TG: variants seen among roughly 807,000 people sequenced by gnomAD.
TG encodes the protein thyroglobulin, also known as thyroid hormones.
A neutral mutation model predicts 324.7 loss-of-function variants in TG; 270 were observed. The ratio of observed to expected loss-of-function variants is 0.83; its 90% CI spans 0.75 to 0.92. The LOEUF (loss-of-function observed/expected upper bound fraction) is 0.92, where lower values mean the gene tolerates loss of function less well. Among genes scored for constraint, TG ranks in the 40% least tolerant of loss-of-function variants. The pLI, the probability that TG is intolerant of heterozygous loss-of-function variation, is 0.00. For missense variants in TG, 3,591 were observed against 3,456.4 expected (o/e 1.04, Z -0.98); for synonymous variants, 1,401 against 1,327.0 (o/e 1.06, Z -1.21).
At chr8:132,951,453 GA>G (rs1286717344) in intron 27 of TG, among the ~76,000 whole-genome samples, 1 of 152,166 alleles carries the variant, frequency 6.6e-6, no homozygotes, top group Non-Finnish European at 1.5e-5. Flanking sequence ...GGCATTTCAA[GA>G]AAGACATATG....
intron 35 of TG, among the ~76,000 whole-genome samples, chr8:132,996,193 G>T (rs1017576520): frequency 1.3e-5 from 2 of 151,172 alleles, no homozygotes; most frequent in East Asian, 1.9e-4. Context: ...GGATGATGTA[G>T]TTATTCTTGC....
At chr8:133,071,566 G>T (rs975064387) in intron 41 of TG, among the ~76,000 whole-genome samples, 1 of 152,096 alleles carries the variant, frequency 6.6e-6, no homozygotes, top group African/African-American at 2.4e-5. Flanking sequence ...ACACACTCTG[G>T]TGCTTGGAAC....
intron 23 of TG, among the ~76,000 whole-genome samples, chr8:132,930,247 C>G (rs1822503959): frequency 6.6e-6 from 1 of 152,284 alleles, no homozygotes; most frequent in African/African-American, 2.4e-5. Flanking sequence ...AATGGAGGGA[C>G]AGAACCAAGT....
intron 27 of TG, among the ~76,000 whole-genome samples, chr8:132,960,493 C>G (rs1365317105): frequency 6.6e-6 from 1 of 152,162 alleles, no homozygotes; most frequent in Non-Finnish European, 1.5e-5. Flanking sequence ...GAACAGTTTG[C>G]CAGAAAGGAA....
At chr8:133,106,023 G>A (rs1476295741) in intron 43 of TG, among the ~76,000 whole-genome samples, 5 of 152,172 alleles carry the variant, frequency 3.3e-5, no homozygotes, top group Admixed American at 2.0e-4. Context: ...CCTGGATGAA[G>A]CAGATGGAGG....
At chr8:133,016,623 G>T (rs1835050715) in intron 37 of TG, among the ~76,000 whole-genome samples, 1 of 152,200 alleles carries the variant, frequency 6.6e-6, no homozygotes, top group Admixed American at 6.5e-5. Context: ...CTGTCAATCA[G>T]CCGAGAGTGG....
chr8:133,031,911 C>T (rs902767176), intron 41 of TG, among the ~76,000 whole-genome samples: 1 of 152,128 alleles, frequency 6.6e-6, no homozygotes, highest in Admixed American at 6.5e-5. Flanking sequence ...GAACTGAGCC[C>T]TCTTTATATG....
At chr8:132,917,027 C>A (rs1268371047) in intron 20 of TG, among the ~76,000 whole-genome samples, 12 of 60,514 alleles carry the variant, frequency 2.0e-4, no homozygotes, top group African/African-American at 6.4e-4. Flanking sequence ...CCCTCCATGC[C>A]TCCCTCCCTC....
rs1460750975 is a variant in TG, at chr8:133,055,363, GCGCACACACACA to G, written c.7239+25342_7239+25353del. Among the ~76,000 whole-genome samples the G allele has an allele frequency of 6.6e-4, 21 of 32,020 alleles. 1 individual carries two copies. The East Asian group carries it at 8.0e-3, about 12-fold the overall frequency. 21.0% of individuals were successfully genotyped at this position (32,020 alleles called of 152,430 possible). A position where few individuals can be genotyped will look rare whatever the true frequency, so the allele number is the denominator to read the frequency against. ...ATCTTCAGGACACACACACGCACGCGCGCACACACACACACACACACACACACACACACACAC... is the reference window on the plus strand; with the variant it reads ...ATCTTCAGGACACACACACGCACGCGCACACACACACACACACACACACAC... On this transcript the variant is annotated intron_variant, in intron 41 of 47. Transcript: ENST00000220616.
chr8:132,948,934 T>C lies in TG; in HGVS notation c.5392T>C (p.Phe1798Leu), dbSNP rs1825724113. The C allele has an allele frequency of 5.0e-6, 8 of 1,613,316 alleles. No individual in the cohort carries two copies. The highest frequency in any genetic ancestry group is 6.8e-6 in the Non-Finnish European group (8 of 1,179,922). The change falls in exon 27 of 48, where the codon TTC (phenylalanine) becomes CTC (leucine). Residue 1798 changes from phenylalanine to leucine, a missense_variant. Phe to Leu is a conservative substitution (Grantham distance 22). Transcript: ENST00000220616. ...QVILRLGDQE[F>L]IKSLTPLEGT... ...GATATTGCGTCTTGGAGACCAGGAG[T>C]TCATCAAGAGTAAGTCTTTGCCATT...
chr8:133,077,581 T>A (rs7823628), intron 41 of TG, among the ~76,000 whole-genome samples: 4 of 152,034 alleles, frequency 2.6e-5, no homozygotes, highest in Non-Finnish European at 5.9e-5. Flanking sequence ...GAATGGAGGT[T>A]TTGGCCCTGG....
rs573693846 is a variant in TG, at chr8:132,913,520, G to C, written c.4378+255G>C. 8.5e-5 allele frequency among the ~76,000 whole-genome samples: 13 copies of C among 152,288 alleles called. No homozygotes were observed. The South Asian group carries it at 2.3e-3, about 27-fold the overall frequency. ...TTGATAAGCTTGGACCCTGGGCCTGGCCTGCCCTGTCATTGTGATGAAGGC... is the reference window on the plus strand; with the variant it reads ...TTGATAAGCTTGGACCCTGGGCCTGCCCTGCCCTGTCATTGTGATGAAGGC... On this transcript the variant is annotated intron_variant, in intron 20 of 47. Coordinates refer to ENST00000220616, the MANE Select transcript of TG (RefSeq NM_003235.5).
chr8:132,890,213 C>T (rs918719846), intron 10 of TG, among the ~76,000 whole-genome samples: 4 of 151,928 alleles, frequency 2.6e-5, no homozygotes, highest in South Asian at 2.1e-4. Context: ...TTCAGTATTT[C>T]CTATCTTCCC....
chr8:132,908,446 C>T (rs1819010115), intron 18 of TG, 106 bp downstream of exon 18: 2 of 810,734 alleles, frequency 2.5e-6, no homozygotes, highest in Non-Finnish European at 1.9e-6. Context: ...GACAGGGGCC[C>T]CATCTTCAAG....
chr8:133,018,271 G>A (rs767597868), intron 38 of TG, among the ~76,000 whole-genome samples: 15 of 152,204 alleles, frequency 9.9e-5, no homozygotes, highest in Non-Finnish European at 1.8e-4. Flanking sequence ...CAGGCTGATG[G>A]AGGCTCTGCC....
intron 27 of TG, 100 bp from the exon 28 acceptor site, chr8:132,960,908 A>G (rs1827655771): frequency 8.3e-7 from 1 of 1,198,140 alleles, no homozygotes; most frequent in African/African-American, 1.5e-5. Context: ...TTTCAGGCCT[A>G]GGAAGAGCCT....
At chr8:132,983,273 A>G (rs1564035973) in intron 34 of TG, 77 bp from the exon 35 acceptor site, 1 of 1,476,332 alleles carries the variant, frequency 6.8e-7, no homozygotes, top group Non-Finnish European at 9.5e-7. Flanking sequence ...ACCATCTTAT[A>G]CTTATATTAA....
chr8:133,083,742 G>T lies in TG; in HGVS notation c.7240-11302G>T, dbSNP rs78840393. On this transcript the variant is annotated intron_variant, in intron 41 of 47. Transcript: ENST00000220616. ...TTTTATTTGAAGAGGATTTGAAGAGGATAATGTTGGAATTGTGTGATGTGG... is the reference window on the plus strand; with the variant it reads ...TTTTATTTGAAGAGGATTTGAAGAGTATAATGTTGGAATTGTGTGATGTGG... Among the ~76,000 whole-genome samples the T allele has an allele frequency of 4.5e-3, 690 of 152,244 alleles. 8 individuals are homozygous for T. Among genetic ancestry groups the T allele is most frequent in the African/African-American group, 0.016 (662 of 41,530 alleles).
chr8:132,898,822 G>C lies in TG; in HGVS notation c.3242G>C (p.Arg1081Pro). 1 of 1,614,016 alleles carries C rather than the reference G, an allele frequency of 6.2e-7. No homozygotes were observed. The highest frequency in any genetic ancestry group is 8.5e-7 in the Non-Finnish European group (1 of 1,180,016). Residue 1081 changes from arginine (R) to proline (P), a missense_variant, in exon 14 of 48, where the codon CGA becomes CCA. Arg to Pro is a moderately radical substitution (Grantham distance 103). Coordinates refer to ENST00000220616, the MANE Select transcript of TG (RefSeq NM_003235.5). ...PQCPTTCEKSRTSGLLSSWKQ... is the reference protein window; with the variant it reads ...PQCPTTCEKSPTSGLLSSWKQ... ...GGCCCGACAACCTGCGAGAAATCTC[G>C]AACCAGTGGGCTGCTTTCCAGTTGG...
Sources: allele counts gnomAD v4.1 joint callset (sites outside exome capture counted in the v4.1 genomes callset), GRCh38; gene constraint gnomAD v4.1.1; transcripts MANE v1.5; gene names NCBI Gene and HGNC (gene_info 2026-07-23, HGNC 2026-07-21).